The following SLIT2 variants were observed in gnomAD, a reference collection of about 807,000 sequenced individuals.
SLIT2 encodes slit guidance ligand 2, also known as slit homolog 2 protein.
A neutral mutation model predicts 185.7 loss-of-function variants in SLIT2; 41 were observed. The ratio of observed to expected loss-of-function variants is 0.22; its 90% confidence interval spans 0.17 to 0.29. The LOEUF is 0.29. Ranked by LOEUF, SLIT2 falls within the 10% of genes least tolerant of loss-of-function variation. The probability of loss-of-function intolerance (pLI) is 1.00; values close to 1 mark genes in which losing one functional copy is unlikely to be tolerated. For missense variants in SLIT2, 1,571 were observed against 1,909.0 expected, an observed-to-expected ratio of 0.82 and a Z score of 3.30; for synonymous variants, 693 against 680.2, an observed-to-expected ratio of 1.02 and a Z score of -0.29.
chr4:20,396,178 T>C (rs1222641543), intron 4 of SLIT2, among the ~76,000 whole-genome samples: 1 of 151,942 alleles, frequency 6.6e-6, no homozygotes, highest in Non-Finnish European at 1.5e-5. Flanking sequence ...CAGAATTTAA[T>C]AAATGCTATG....
chr4:20,514,374 C>G (rs1363467700), intron 11 of SLIT2, among the ~76,000 whole-genome samples: 1 of 152,150 alleles, frequency 6.6e-6, no homozygotes, highest in African/African-American at 2.4e-5. Flanking sequence ...GGCGTGGTGG[C>G]TCATGCCTGT....
chr4:20,575,259 G>C (rs1725991278), intron 29 of SLIT2, among the ~76,000 whole-genome samples: 2 of 152,134 alleles, frequency 1.3e-5, no homozygotes, highest in South Asian at 4.1e-4. Context: ...TTATTTCCAA[G>C]AATTTGCTGC....
intron 4 of SLIT2, among the ~76,000 whole-genome samples, chr4:20,282,617 A>G (rs1714883444): frequency 6.6e-6 from 1 of 152,228 alleles, no homozygotes; most frequent in Non-Finnish European, 1.5e-5. Flanking sequence ...GTTGGGAAAT[A>G]ATGAAAGTCA....
At chr4:20,345,002 G>A (rs945963243) in intron 4 of SLIT2, among the ~76,000 whole-genome samples, 2 of 152,076 alleles carry the variant, frequency 1.3e-5, no homozygotes, top group East Asian at 1.9e-4. Context: ...GATTAATTTT[G>A]GGAGTGATTA....
intron 18 of SLIT2, among the ~76,000 whole-genome samples, chr4:20,535,927 C>G (rs532538635): frequency 1.1e-3 from 167 of 152,242 alleles, no homozygotes; most frequent in South Asian, 8.7e-3. Flanking sequence ...CTAGAGTGGA[C>G]TTACACAAAC....
At chr4:20,438,191 G>A (rs1228069352) in intron 4 of SLIT2, among the ~76,000 whole-genome samples, 1 of 152,106 alleles carries the variant, frequency 6.6e-6, no homozygotes, top group East Asian at 1.9e-4. Context: ...TAAAACATAA[G>A]TTAGACCATG....
chr4:20,592,956 C>T (rs1727632323), intron 30 of SLIT2, among the ~76,000 whole-genome samples: 1 of 152,168 alleles, frequency 6.6e-6, no homozygotes, highest in Non-Finnish European at 1.5e-5. Context: ...AGGCTATATA[C>T]TCCCATTTGT....
chr4:20,402,140 C>A (rs28647472), intron 4 of SLIT2, among the ~76,000 whole-genome samples: 1,776 of 151,630 alleles, frequency 0.012, 13 homozygotes, highest in Middle Eastern at 0.054. Context: ...GGAAGTTGGT[C>A]CTGGAAGTAT....
intron 4 of SLIT2, among the ~76,000 whole-genome samples, chr4:20,384,019 T>G (rs1560374716): frequency 1.3e-5 from 2 of 152,096 alleles, no homozygotes. Flanking sequence ...GTTCCTATTC[T>G]TAAGTGTTTT....
rs1190374676 is a variant in SLIT2 at position 20,254,431 on chromosome 4, T to C, written c.179+437T>C. On this transcript the variant is annotated intron_variant, in intron 1 of 36. Transcript: ENST00000504154. The surrounding 1 kb of genome is among the most constrained non-coding windows in gnomAD (Gnocchi z 5.1). ...TTGTCGCAGGCTGGCGCGGAGGGGA[T>C]AGCAGGGAGACTCAAAAGAGAGAAA... Among the ~76,000 whole-genome samples, 1 of 152,122 alleles carries C rather than the reference T, an allele frequency of 6.6e-6. No individual in the cohort carries two copies. The highest frequency in any genetic ancestry group is 2.4e-5 in the African/African-American group (1 of 41,434).
chr4:20,323,365 A>G (rs1480637688), intron 4 of SLIT2, among the ~76,000 whole-genome samples: 1 of 152,222 alleles, frequency 6.6e-6, no homozygotes, highest in Admixed American at 6.5e-5. Flanking sequence ...AGGATTGGAA[A>G]CAATGATCAG....
chr4:20,257,978 G>T, intron 3 of SLIT2, 39 bp downstream of exon 3: 9 of 962,716 alleles, frequency 9.3e-6, no homozygotes, highest in African/African-American at 1.7e-5. Flanking sequence ...CAACATAACT[G>T]TGTTTTTTAA....
intron 4 of SLIT2, among the ~76,000 whole-genome samples, chr4:20,465,557 A>G (rs1196443251): frequency 1.3e-5 from 2 of 152,180 alleles, no homozygotes; most frequent in Non-Finnish European, 2.9e-5. Context: ...ACAACCACAC[A>G]TAAACCATTA....
At chr4:20,306,370 T>C (rs1007368089) in intron 4 of SLIT2, among the ~76,000 whole-genome samples, 1 of 152,220 alleles carries the variant, frequency 6.6e-6, no homozygotes, top group Non-Finnish European at 1.5e-5. Context: ...AAATGAAACC[T>C]GTCCATTTAG....
At chr4:20,542,846 GT>G (rs1722927923) in intron 21 of SLIT2, among the ~76,000 whole-genome samples, 1 of 103,050 alleles carries the variant, frequency 9.7e-6, no homozygotes, top group Admixed American at 1.2e-4. Flanking sequence ...GTGTGTGTGT[GT>G]GTGTGTGTGT....
intron 4 of SLIT2, among the ~76,000 whole-genome samples, chr4:20,411,424 C>T (rs1437128928): frequency 6.6e-6 from 1 of 152,152 alleles, no homozygotes; most frequent in Admixed American, 6.5e-5. Context: ...GGCAAACACC[C>T]ACAGCTTTTA....
intron 9 of SLIT2, among the ~76,000 whole-genome samples, chr4:20,508,406 A>G (rs868771845): frequency 1.3e-5 from 2 of 152,194 alleles, no homozygotes; most frequent in Admixed American, 6.5e-5. Context: ...TAATATATAC[A>G]TGTCCAATAA....
intron 5 of SLIT2, among the ~76,000 whole-genome samples, chr4:20,476,779 G>T (rs543809688): frequency 6.6e-6 from 1 of 152,210 alleles, no homozygotes; most frequent in Non-Finnish European, 1.5e-5. Flanking sequence ...TATTTTAAAA[G>T]AATAAAGCAG....
At chr4:20,604,490 C>T (rs1451669734) in intron 33 of SLIT2, among the ~76,000 whole-genome samples, 4 of 151,962 alleles carry the variant, frequency 2.6e-5, no homozygotes, top group African/African-American at 9.7e-5. Context: ...GCTGGGACTA[C>T]AGGCGCTCAC....
Sources: allele counts gnomAD v4.1 joint callset (sites outside exome capture counted in the v4.1 genomes callset), GRCh38; gene constraint gnomAD v4.1.1; non-coding constraint Gnocchi (gnomAD v3.1); transcripts MANE v1.5; gene names NCBI Gene and HGNC (gene_info 2026-07-23, HGNC 2026-07-21).